The following MGAT4C variants were observed in gnomAD, a reference collection of about 807,000 sequenced individuals.
The protein encoded by MGAT4C is alpha-1,3-mannosyl-glycoprotein 4-beta-N-acetylglucosaminyltransferase C.
MGAT4C carries 19 observed loss-of-function variants against 40.1 expected under a neutral mutation model. The ratio of observed to expected loss-of-function variants is 0.47; its 90% CI spans 0.33 to 0.70. The LOEUF (loss-of-function observed/expected upper bound fraction) is 0.70. Ranked by LOEUF, MGAT4C falls within the 30% of genes least tolerant of loss-of-function variation. MGAT4C has a pLI of 0.02. For missense variants in MGAT4C, 491 were observed against 563.2 expected (o/e 0.87, Z 1.30); for synonymous variants, 181 against 187.1 (o/e 0.97, Z 0.27).
intron 4 of MGAT4C, among the ~76,000 whole-genome samples, chr12:86,316,454 T>A (rs1281826380): frequency 6.6e-6 from 1 of 152,138 alleles, no homozygotes; most frequent in Admixed American, 6.5e-5. Context: ...TAGCAAGGCA[T>A]GGAATCAACC....
intron 1 of MGAT4C, among the ~76,000 whole-genome samples, chr12:86,141,794 T>A (rs1176656058): frequency 6.6e-6 from 1 of 152,164 alleles, no homozygotes; most frequent in Admixed American, 6.6e-5. Context: ...TTAACTCATG[T>A]AGATTATACA....
intron 1 of MGAT4C, among the ~76,000 whole-genome samples, chr12:86,120,196 C>T (rs1005479469): frequency 1.5e-5 from 2 of 129,176 alleles, no homozygotes; most frequent in African/African-American, 3.0e-5. Context: ...TAAAGCAGAT[C>T]ACTTTTTAAA....
chr12:86,127,005 T>C (rs996077113), intron 1 of MGAT4C, among the ~76,000 whole-genome samples: 3 of 152,178 alleles, frequency 2.0e-5, no homozygotes, highest in African/African-American at 7.2e-5. Context: ...CATGTGCAGT[T>C]CACAATAGGG....
At chr12:85,985,491 G>A (rs1005227555) in intron 3 of MGAT4C, among the ~76,000 whole-genome samples, 3 of 151,992 alleles carry the variant, frequency 2.0e-5, no homozygotes, top group Non-Finnish European at 2.9e-5. Context: ...GTCTTTAATA[G>A]TGTATTTCTC....
At chr12:86,486,625 C>T (rs2406157) in intron 2 of MGAT4C, among the ~76,000 whole-genome samples, 3 of 152,014 alleles carry the variant, frequency 2.0e-5, no homozygotes, top group Non-Finnish European at 4.4e-5. Flanking sequence ...ACACAATAAT[C>T]GTGGGACACT....
intron 1 of MGAT4C, among the ~76,000 whole-genome samples, chr12:86,763,044 T>C (rs908160228): frequency 6.6e-6 from 1 of 152,222 alleles, no homozygotes; most frequent in African/African-American, 2.4e-5. Context: ...GAACAAAATC[T>C]AACACAATAA....
At chr12:86,575,853 T>C (rs1450028720) in intron 2 of MGAT4C, among the ~76,000 whole-genome samples, 2 of 151,772 alleles carry the variant, frequency 1.3e-5, no homozygotes, top group Non-Finnish European at 2.9e-5. Context: ...ATTTCTCCAA[T>C]CCTTGTCATT....
intron 2 of MGAT4C, among the ~76,000 whole-genome samples, chr12:86,474,008 C>T (rs977512652): frequency 2.0e-5 from 3 of 152,060 alleles, no homozygotes; most frequent in Admixed American, 6.6e-5. Flanking sequence ...TAATGCCATA[C>T]TCCCCTCTGA....
At chr12:86,796,327 A>G (rs191447929) in intron 1 of MGAT4C, among the ~76,000 whole-genome samples, 1 of 152,108 alleles carries the variant, frequency 6.6e-6, no homozygotes, top group Admixed American at 6.6e-5. Context: ...TGCTAGATGT[A>G]CAGTGGGAAA....
intron 2 of MGAT4C, among the ~76,000 whole-genome samples, chr12:86,008,530 C>T (rs918700406): frequency 1.6e-4 from 25 of 152,038 alleles, no homozygotes; most frequent in South Asian, 6.2e-4. Flanking sequence ...ATGATATTGA[C>T]AAGCAATAAA....
At chr12:86,354,189 G>A (rs1955251523) in intron 3 of MGAT4C, among the ~76,000 whole-genome samples, 1 of 152,116 alleles carries the variant, frequency 6.6e-6, no homozygotes, top group Non-Finnish European at 1.5e-5. Context: ...GTGAATAGAA[G>A]TTGGGTCATA....
chr12:86,328,330 G>A (rs1264062181), intron 4 of MGAT4C, among the ~76,000 whole-genome samples: 1 of 152,100 alleles, frequency 6.6e-6, no homozygotes, highest in East Asian at 1.9e-4. Flanking sequence ...GTCCCAGCCA[G>A]TGAAATAGGG....
At chr12:86,343,455 G>T (rs1566304643) in intron 3 of MGAT4C, among the ~76,000 whole-genome samples, 1 of 151,518 alleles carries the variant, frequency 6.6e-6, no homozygotes, top group Non-Finnish European at 1.5e-5. Flanking sequence ...TCCTAAAACT[G>T]TTTTTTTTAA....
At chr12:86,574,265 T>G (rs982374930) in intron 2 of MGAT4C, among the ~76,000 whole-genome samples, 2 of 151,716 alleles carry the variant, frequency 1.3e-5, no homozygotes, top group African/African-American at 4.8e-5. Context: ...CATATTCAAG[T>G]AGGGATGACA....
chr12:86,461,922 T>C (rs1035490989), intron 2 of MGAT4C, among the ~76,000 whole-genome samples: 3 of 152,196 alleles, frequency 2.0e-5, no homozygotes, highest in Non-Finnish European at 2.9e-5. Flanking sequence ...CTTTCTCCTT[T>C]ATTTCTTTTT....
chr12:85,984,657 A>T (rs1054026048), intron 3 of MGAT4C, among the ~76,000 whole-genome samples: 1 of 152,180 alleles, frequency 6.6e-6, no homozygotes, highest in Non-Finnish European at 1.5e-5. Context: ...TGTTTGACTC[A>T]TATGTGATTT....
chr12:86,356,729 A>G (rs1173240167), intron 3 of MGAT4C, among the ~76,000 whole-genome samples: 1 of 152,100 alleles, frequency 6.6e-6, no homozygotes, highest in Non-Finnish European at 1.5e-5. Context: ...CACTGCTAGC[A>G]CTGCAGTCTG....
At chr12:86,394,158 G>T (rs1240390195) in intron 3 of MGAT4C, among the ~76,000 whole-genome samples, 1 of 152,132 alleles carries the variant, frequency 6.6e-6, no homozygotes. Context: ...AAGAGGGAAG[G>T]ATTACTGAAT....
chr12:86,568,697 C>T (rs896367673), intron 2 of MGAT4C, among the ~76,000 whole-genome samples: 6 of 151,646 alleles, frequency 4.0e-5, no homozygotes, highest in African/African-American at 1.5e-4. Context: ...GCTATGGTAA[C>T]CAAAACAGCA....
Sources: allele counts gnomAD v4.1 joint callset (sites outside exome capture counted in the v4.1 genomes callset), GRCh38; gene constraint gnomAD v4.1.1; transcripts MANE v1.5; gene names NCBI Gene and HGNC (gene_info 2026-07-23, HGNC 2026-07-21).